The following CCNY variants were observed in gnomAD, a reference collection of about 807,000 sequenced individuals.
CCNY encodes the protein cyclin-Y.
CCNY carries 19 observed loss-of-function variants against 42.8 expected under a neutral mutation model. The ratio of observed to expected loss-of-function variants is 0.44; its 90% CI spans 0.31 to 0.65. The LOEUF (loss-of-function observed/expected upper bound fraction) is 0.65, where lower values mean the gene tolerates loss of function less well. Among genes scored for constraint, CCNY ranks in the 30% least tolerant of loss-of-function variants. The pLI, the probability that CCNY is intolerant of heterozygous loss-of-function variation, is 0.07. For missense variants in CCNY, 370 were observed against 437.3 expected (o/e 0.85, Z 1.37); for synonymous variants, 165 against 162.7 (o/e 1.01, Z -0.11).
chr10:35,468,989 T>C (rs189132245), intron 1 of CCNY, among the ~76,000 whole-genome samples: 1 of 152,364 alleles, frequency 6.6e-6, no homozygotes, highest in African/African-American at 2.4e-5. Flanking sequence ...AAAGTGTCAG[T>C]TCCAACTCCT....
intron 1 of CCNY, among the ~76,000 whole-genome samples, chr10:35,389,977 G>GT (rs1388530562): frequency 6.6e-6 from 1 of 152,194 alleles, no homozygotes; most frequent in African/African-American, 2.4e-5. Flanking sequence ...GCTAAACAGA[G>GT]TATCACTTAG....
chr10:35,489,747 TCTC>T (rs1342739479), intron 2 of CCNY, among the ~76,000 whole-genome samples: 3 of 152,084 alleles, frequency 2.0e-5, no homozygotes, highest in Non-Finnish European at 4.4e-5. Context: ...TCAGTTTTGT[TCTC>T]CTTCTATTTT....
In CCNY at chr10:35,501,488, T is replaced by G; in HGVS notation, c.230-13T>G. The G allele has an allele frequency of 6.2e-7, 1 of 1,613,240 alleles. No homozygotes were observed. The highest frequency in any genetic ancestry group is 8.5e-7 in the Non-Finnish European group (1 of 1,179,140). On this transcript the variant is annotated splice_polypyrimidine_tract_variant and intron_variant, in intron 2 of 9. Transcript: ENST00000374704. ...GGCATATAACATTTCTGTTGCATCT[T>G]TTGTTTTCACAGTGAGAGAAAAACG...
chr10:35,253,007 T>C (rs2095713018), intron 3 of CCNY, among the ~76,000 whole-genome samples: 1 of 152,206 alleles, frequency 6.6e-6, no homozygotes, highest in African/African-American at 2.4e-5. Context: ...AACTGCTGTG[T>C]GATAGGGCAA....
At chr10:35,519,531 A>G (rs1001441543) in intron 4 of CCNY, among the ~76,000 whole-genome samples, 4 of 152,026 alleles carry the variant, frequency 2.6e-5, no homozygotes, top group Admixed American at 6.6e-5. Context: ...AAAGTTGAAG[A>G]CCCCAGATGG....
rs35268084 is a variant in CCNY at position 35,516,661 on chromosome 10, C to CTTTTT, written c.365+61_365+65dup. On this transcript the variant is annotated intron_variant, in intron 4 of 9. Transcript: ENST00000374704. ...ATTTATTTCCTTCCTTCCTTCCTTC[C>CTTTTT]TTTTTTTTTTTTTTTTTTTTTTTTT... The CTTTTT allele has an allele frequency of 6.2e-4, 202 of 327,500 alleles. 1 individual carries two copies. The highest frequency in any genetic ancestry group is 1.4e-3 in the African/African-American group (29 of 20,302). 20.3% of individuals were successfully genotyped at this position (327,500 alleles called of 1,614,324 possible).
Position 35,455,781 on chromosome 10 carries a change from C to T in CCNY, c.155-27623C>T, listed in dbSNP as rs58209171. Among the ~76,000 whole-genome samples the T allele has an allele frequency of 4.1e-5, 6 of 146,180 alleles. No individual in the cohort carries two copies. The South Asian group carries it at 1.3e-3, about 32-fold the overall frequency. ...CAGATCAGAAAATCTTAGTGATCCTCTGATGGCTCCAAGGGATGCTTCCTT... is the reference window on the plus strand; with the variant it reads ...CAGATCAGAAAATCTTAGTGATCCTTTGATGGCTCCAAGGGATGCTTCCTT... On this transcript the variant is annotated intron_variant, in intron 1 of 9. Transcript: ENST00000374704.
chr10:35,488,627 C>T (rs1270796509), intron 2 of CCNY, among the ~76,000 whole-genome samples: 1 of 152,210 alleles, frequency 6.6e-6, no homozygotes, highest in East Asian at 1.9e-4. Context: ...TGCTTACATA[C>T]TATGGAAAAC....
At chr10:35,480,985 A>G (rs1417905901) in intron 1 of CCNY, among the ~76,000 whole-genome samples, 1 of 152,152 alleles carries the variant, frequency 6.6e-6, no homozygotes, top group East Asian at 1.9e-4. Context: ...AAAACAAACC[A>G]ATGAAAGTGT....
chr10:35,359,260 G>C (rs1349569706), intron 1 of CCNY, among the ~76,000 whole-genome samples: 10 of 152,132 alleles, frequency 6.6e-5, no homozygotes. Flanking sequence ...GTGTGAATCA[G>C]GCTGTTCTTG....
At chr10:35,477,253 T>C (rs886877664) in intron 1 of CCNY, among the ~76,000 whole-genome samples, 1 of 152,038 alleles carries the variant, frequency 6.6e-6, no homozygotes, top group African/African-American at 2.4e-5. Context: ...TTCCAATCAA[T>C]AGAAAAAGAG....
At chr10:35,323,593 C>G (rs1361260098) in intron 3 of CCNY, among the ~76,000 whole-genome samples, 1 of 152,100 alleles carries the variant, frequency 6.6e-6, no homozygotes, top group Non-Finnish European at 1.5e-5. Flanking sequence ...AAATCTGATC[C>G]ACAGTGACAG....
chr10:35,435,039 A>G (rs1283301366), intron 1 of CCNY, among the ~76,000 whole-genome samples: 2 of 152,190 alleles, frequency 1.3e-5, no homozygotes, highest in African/African-American at 2.4e-5. Flanking sequence ...GAGGAAACCC[A>G]AAGCCCCCCT....
chr10:35,315,754 ATC>A (rs1440142326), intron 3 of CCNY, among the ~76,000 whole-genome samples: 5 of 152,170 alleles, frequency 3.3e-5, no homozygotes, highest in Non-Finnish European at 7.4e-5. Flanking sequence ...GCTCCCCAGC[ATC>A]TGTTATTTTT....
chr10:35,561,287 C>T (rs2135460170), intron 8 of CCNY, among the ~76,000 whole-genome samples: 1 of 152,298 alleles, frequency 6.6e-6, no homozygotes, highest in East Asian at 1.9e-4. Context: ...CAGGAGAAGT[C>T]TCAGATATCC....
chr10:35,479,522 C>G lies in CCNY; in HGVS notation c.155-3882C>G, dbSNP rs1348111952. On this transcript the variant is annotated intron_variant, in intron 1 of 9. Coordinates refer to ENST00000374704, the MANE Select transcript of CCNY (RefSeq NM_145012.6). The stretch of plus-strand genomic sequence containing the variant: ...ATCGCAAGAACAAAAAACCAAACAC[C>G]GCATATTCTCACTCATAGGTGGGAA... 5.9e-5 allele frequency among the ~76,000 whole-genome samples: 8 copies of G among 135,642 alleles called. No individual in the cohort carries two copies. In the South Asian group the frequency reaches 1.7e-3, roughly 28 times the overall value. The allele number at this position is 135,642 out of a possible 152,430, so 89.0% of individuals were successfully genotyped here.
chr10:35,451,486 T>C (rs1381862174), intron 1 of CCNY, among the ~76,000 whole-genome samples: 1 of 152,218 alleles, frequency 6.6e-6, no homozygotes, highest in Non-Finnish European at 1.5e-5. Context: ...TATTTTGATA[T>C]CTGAGTATGG....
At chr10:35,411,477 T>C (rs1027015255) in intron 1 of CCNY, among the ~76,000 whole-genome samples, 1 of 130,086 alleles carries the variant, frequency 7.7e-6, no homozygotes, top group Non-Finnish European at 1.5e-5. Flanking sequence ...ATCAAGCCAC[T>C]GCACTCCAGC....
intron 7 of CCNY, among the ~76,000 whole-genome samples, chr10:35,549,331 G>A (rs1311250671): frequency 2.0e-5 from 3 of 152,172 alleles, no homozygotes; most frequent in African/African-American, 7.2e-5. Context: ...GTCAAGCCAC[G>A]TGACCCTATG....
Sources: gnomAD v4.1 joint callset for allele counts (sites outside exome capture counted in the v4.1 genomes callset) on GRCh38, gnomAD v4.1.1 for gene constraint, MANE v1.5 for transcripts, NCBI Gene and HGNC (gene_info 2026-07-23, HGNC 2026-07-21) for gene names.